The following HSF2BP variants were observed in gnomAD, a reference collection of about 807,000 sequenced individuals.
HSF2BP encodes heat shock transcription factor 2 binding protein, also known as heat shock factor 2-binding protein.
HSF2BP carries 35 observed loss-of-function variants against 35.0 expected under a neutral mutation model. That is an observed-to-expected ratio of 1.00 (90% CI 0.76 to 1.32). The LOEUF (loss-of-function observed/expected upper bound fraction) is 1.32. Ranked by LOEUF, HSF2BP falls within the 40% of genes most tolerant of loss-of-function variation. The probability of loss-of-function intolerance (pLI) is 0.00; values close to 1 mark genes in which losing one functional copy is unlikely to be tolerated. For missense variants in HSF2BP, 326 were observed against 321.7 expected (o/e 1.01, Z -0.10); for synonymous variants, 114 against 117.4 (o/e 0.97, Z 0.18).
At chr21:43,624,178 T>C (rs1173618959) in intron 6 of HSF2BP, among the ~76,000 whole-genome samples, 1 of 152,190 alleles carries the variant, frequency 6.6e-6, no homozygotes, top group Non-Finnish European at 1.5e-5. Flanking sequence ...CATAAACTTC[T>C]GCACAAATGC....
At chr21:43,577,376 C>A (rs932207935) in intron 8 of HSF2BP, among the ~76,000 whole-genome samples, 9 of 152,160 alleles carry the variant, frequency 5.9e-5, no homozygotes, top group Admixed American at 1.3e-4. Flanking sequence ...ACTGGAAGTA[C>A]AAAATACTTC....
intron 5 of HSF2BP, 76 bp from the exon 6 acceptor site, chr21:43,630,530 A>C (rs1001868275): frequency 6.9e-7 from 1 of 1,458,326 alleles, no homozygotes; most frequent in Non-Finnish European, 9.1e-7. Context: ...TGCAGGATAC[A>C]GAAGATTCTA....
chr21:43,467,944 C>T, the HSF2BP span, among the ~76,000 whole-genome samples: 4 of 95,886 alleles, frequency 4.2e-5, no homozygotes, highest in Admixed American at 3.0e-4. Context: ...CACACACACA[C>T]CACACACACC....
chr21:43,631,326 C>T (rs935665294), intron 5 of HSF2BP, among the ~76,000 whole-genome samples: 2 of 152,158 alleles, frequency 1.3e-5, no homozygotes, highest in South Asian at 2.1e-4. Context: ...GAGTCAAACA[C>T]CGATCTTTTT....
chr21:43,658,034 G>C (rs1340247090), intron 2 of HSF2BP, 27 bp downstream of exon 2: 3 of 1,535,650 alleles, frequency 2.0e-6, no homozygotes, highest in Non-Finnish European at 1.7e-6. Context: ...CAAACACGCT[G>C]GCGTCGGCCA....
At chr21:43,577,860 G>A (rs977734657) in intron 8 of HSF2BP, among the ~76,000 whole-genome samples, 4 of 152,240 alleles carry the variant, frequency 2.6e-5, no homozygotes, top group Non-Finnish European at 2.9e-5. Flanking sequence ...CTGCCCTTGC[G>A]ATAATGGACT....
intron 6 of HSF2BP, among the ~76,000 whole-genome samples, chr21:43,623,674 T>G (rs140966650): frequency 3.9e-5 from 6 of 152,280 alleles, no homozygotes; most frequent in African/African-American, 1.4e-4. Flanking sequence ...GTCACCTGGG[T>G]CAAGGTTCCA....
chr21:43,637,201 A>G (rs996989910), intron 4 of HSF2BP, among the ~76,000 whole-genome samples: 1 of 152,196 alleles, frequency 6.6e-6, no homozygotes, highest in Non-Finnish European at 1.5e-5. Flanking sequence ...AGAAAATGTG[A>G]TATATCCATC....
At chr21:43,629,448 C>T (rs1243521227) in intron 6 of HSF2BP, among the ~76,000 whole-genome samples, 1 of 152,142 alleles carries the variant, frequency 6.6e-6, no homozygotes, top group Non-Finnish European at 1.5e-5. Flanking sequence ...GCCTGTAATC[C>T]CAGCTACTTG....
chr21:43,573,184 T>C (rs995213016), intron 8 of HSF2BP, among the ~76,000 whole-genome samples: 9 of 152,232 alleles, frequency 5.9e-5, no homozygotes, highest in Non-Finnish European at 1.3e-4. Flanking sequence ...CTGGCTCCCC[T>C]GTCTACTAGC....
chr21:43,658,210 G>A lies in HSF2BP; in HGVS notation c.-114C>T. On this transcript the variant is annotated 5_prime_UTR_variant, in exon 2 of 9. Coordinates refer to ENST00000291560, the MANE Select transcript of HSF2BP (RefSeq NM_007031.2). Reference sequence around the variant, plus strand: ...GGGGTCGGGAACGGAGAGCCGCCAGGCCCAAACCTCCCAGAATTTGCGCAG... The same window carrying A: ...GGGGTCGGGAACGGAGAGCCGCCAGACCCAAACCTCCCAGAATTTGCGCAG... 3 of 1,240,226 alleles carry A rather than the reference G, an allele frequency of 2.4e-6. No individual in the cohort carries two copies. In the South Asian group the frequency reaches 4.7e-5, roughly 20 times the overall value. 76.8% of individuals were successfully genotyped at this position (1,240,226 alleles called of 1,614,324 possible).
chr21:43,640,956 T>C (rs950642773), intron 4 of HSF2BP, among the ~76,000 whole-genome samples: 4 of 152,234 alleles, frequency 2.6e-5, no homozygotes, highest in African/African-American at 7.2e-5. Flanking sequence ...GGAATACTCA[T>C]ACATAACAGT....
intron 4 of HSF2BP, among the ~76,000 whole-genome samples, chr21:43,641,778 T>C (rs904634216): frequency 2.6e-5 from 4 of 151,638 alleles, no homozygotes; most frequent in African/African-American, 9.7e-5. Context: ...CGAAACCTCA[T>C]CTCTACTAAA....
chr21:43,619,361 A>T (rs764299137), intron 6 of HSF2BP, among the ~76,000 whole-genome samples: 2 of 152,232 alleles, frequency 1.3e-5, no homozygotes, highest in Non-Finnish European at 2.9e-5. Context: ...AATATGGGCA[A>T]CAAGGAGTTT....
intron 8 of HSF2BP, among the ~76,000 whole-genome samples, chr21:43,586,801 C>T (rs1215690759): frequency 2.6e-5 from 4 of 151,328 alleles, no homozygotes; most frequent in Admixed American, 6.6e-5. Flanking sequence ...TTTTTTTCCT[C>T]GATCTTATTT....
At chr21:43,652,326 C>A (rs1441178913) in intron 3 of HSF2BP, among the ~76,000 whole-genome samples, 1 of 151,360 alleles carries the variant, frequency 6.6e-6, no homozygotes, top group Non-Finnish European at 1.5e-5. Context: ...TAGCTTGAAC[C>A]CGGGAGGCAG....
chr21:43,650,365 C>G (rs2082767163), intron 3 of HSF2BP, among the ~76,000 whole-genome samples: 1 of 152,036 alleles, frequency 6.6e-6, no homozygotes, highest in South Asian at 2.1e-4. Context: ...CGCCACCATG[C>G]CCGGCTAATT....
intron 8 of HSF2BP, among the ~76,000 whole-genome samples, chr21:43,576,502 C>G (rs1225100749): frequency 6.6e-6 from 1 of 152,214 alleles, no homozygotes; most frequent in Non-Finnish European, 1.5e-5. Context: ...GTGCTATATT[C>G]ACGTTTGCTT....
Position 43,658,138 on chromosome 21 carries a change from G to C in HSF2BP, c.-42C>G, listed in dbSNP as rs1179756986. ...GCTCCGTTCGCCTGAGCGTCGGCGC[G>C]CCCTCTGACCCCTCACGCCAGAAAG... On this transcript the variant is annotated 5_prime_UTR_variant, in exon 2 of 9. Coordinates refer to ENST00000291560, the MANE Select transcript of HSF2BP (RefSeq NM_007031.2). The C allele has an allele frequency of 1.3e-6, 2 of 1,501,894 alleles. No homozygotes were observed. Among genetic ancestry groups the C allele is most frequent in the Non-Finnish European group, 8.9e-7 (1 of 1,128,714 alleles). The allele number at this position is 1,501,894 out of a possible 1,614,324, so 93.0% of individuals were successfully genotyped here.
Sources: gnomAD v4.1 joint callset for allele counts (sites outside exome capture counted in the v4.1 genomes callset) on GRCh38, gnomAD v4.1.1 for gene constraint, MANE v1.5 for transcripts, NCBI Gene and HGNC (gene_info 2026-07-23, HGNC 2026-07-21) for gene names.